The following CETP variants were observed in gnomAD, a reference collection of about 807,000 sequenced individuals.
CETP encodes cholesteryl ester transfer protein.
Under a neutral mutation model 66.5 loss-of-function variants are expected in CETP, and 56 were observed. The observed-to-expected ratio is 0.84, with a 90% CI of 0.68 to 1.05. The LOEUF (loss-of-function observed/expected upper bound fraction) is 1.05, where lower values mean the gene tolerates loss of function less well. Among genes scored for constraint, CETP ranks in the 50% least tolerant of loss-of-function variants. The probability of loss-of-function intolerance (pLI) is 0.00; values close to 1 mark genes in which losing one functional copy is unlikely to be tolerated. For synonymous variants in CETP, 251 were observed against 245.7 expected (o/e 1.02, Z -0.20); for missense variants, 612 against 609.6 (o/e 1.00, Z -0.04).
chr16:56,962,023 C>A lies in CETP; in HGVS notation c.44C>A (p.Ala15Asp), dbSNP rs34065661. 2.2e-5 allele frequency: 36 copies of A among 1,613,970 alleles called. No homozygotes were observed. Among genetic ancestry groups the A allele is most frequent in the Non-Finnish European group, 2.8e-5 (33 of 1,180,028 alleles). Reference sequence around the variant, plus strand: ...CTGACCCTGGCCCTGCTGGGCAATGCCCATGCCTGCTCCAAAGGCACCTCG... The same window carrying A: ...CTGACCCTGGCCCTGCTGGGCAATGACCATGCCTGCTCCAAAGGCACCTCG... ...TVLTLALLGNAHACSKGTSHE... is the reference protein window; with the variant it reads ...TVLTLALLGNDHACSKGTSHE... Residue 15 changes from alanine to aspartate, a missense_variant, in exon 1 of 16, where the codon GCC (alanine) becomes GAC (aspartate). Ala to Asp is a moderately radical substitution (Grantham distance 126). Coordinates refer to ENST00000200676, the MANE Select transcript of CETP (RefSeq NM_000078.3).
chr16:56,968,157 G>C (rs2056081574), intron 2 of CETP, among the ~76,000 whole-genome samples: 2 of 151,838 alleles, frequency 1.3e-5, no homozygotes, highest in African/African-American at 4.8e-5. Flanking sequence ...GGGTACATGA[G>C]ATGTTTTGAT....
chr16:56,978,191 T>A lies in CETP; in HGVS notation c.1082T>A (p.Val361Glu), dbSNP rs200134880. 6.2e-7 allele frequency: 1 copy of A among 1,614,248 alleles called. No homozygotes were observed. Among genetic ancestry groups the A allele is most frequent in the African/African-American group, 1.3e-5 (1 of 75,058 alleles). ...QNKGVVVNSS[V>E]MVKFLFPRPD... ...AAGGGAGTCGTGGTCAATTCTTCAG[T>A]GATGGTGAAATTCCTCTTTCCACGC... is the stretch of plus-strand genomic sequence containing the variant. The change falls in exon 11 of 16, where the codon GTG (valine) becomes GAG (glutamate). Residue 361 changes from valine (V) to glutamate (E), a missense_variant. Coordinates refer to ENST00000200676, the MANE Select transcript of CETP (RefSeq NM_000078.3).
chr16:56,969,743 G>A lies in CETP; in HGVS notation c.439+62G>A, dbSNP rs1209140268. The A allele has an allele frequency of 4.4e-6, 7 of 1,596,466 alleles. No homozygotes were observed. In the Admixed American group the frequency reaches 8.4e-5, roughly 19 times the overall value. ...GACTCCAGGGCTTGGCCTCAGCAGA[G>A]GGGGAGGTTGTGCAGGCAGAGGGTT... On this transcript the variant is annotated intron_variant, in intron 4 of 15. Transcript: ENST00000200676.
intron 10 of CETP, among the ~76,000 whole-genome samples, chr16:56,977,029 C>T (rs2056154520): frequency 6.6e-6 from 1 of 152,134 alleles, no homozygotes; most frequent in South Asian, 2.1e-4. Flanking sequence ...GTGCCTCAGC[C>T]TCCCGATTGG....
chr16:56,978,395 C>A (rs1458981004), intron 11 of CETP, 140 bp downstream of exon 11: 5 of 978,568 alleles, frequency 5.1e-6, no homozygotes, highest in Non-Finnish European at 8.0e-6. Context: ...TTGCACATGG[C>A]TCCTTACAAT....
chr16:56,969,946 C>T lies in CETP; in HGVS notation c.472C>T (p.Pro158Ser), dbSNP rs767437395. The T allele has an allele frequency of 1.4e-5, 22 of 1,614,042 alleles. No individual in the cohort carries two copies. In the South Asian group the frequency reaches 2.4e-4, roughly 18 times the overall value. ...CDSGRVRTDAPDCYLSFHKLL... is the reference protein window; with the variant it reads ...CDSGRVRTDASDCYLSFHKLL... ...CTCTGGTAGAGTGCGGACCGATGCC[C>T]CTGACTGCTACCTGTCTTTCCATAA... The change falls in exon 5 of 16, where the codon CCT (proline) becomes TCT (serine). Residue 158 changes from proline (P) to serine (S), a missense_variant. Coordinates refer to ENST00000200676, the MANE Select transcript of CETP (RefSeq NM_000078.3).
chr16:56,963,822 C>T (rs2056044020), intron 2 of CETP, among the ~76,000 whole-genome samples: 1 of 151,736 alleles, frequency 6.6e-6, no homozygotes, highest in African/African-American at 2.4e-5. Context: ...GCACACGTCA[C>T]CACATCCGCG....
At chr16:56,968,631 A>T (rs1209068805) in intron 2 of CETP, among the ~76,000 whole-genome samples, 1 of 152,028 alleles carries the variant, frequency 6.6e-6, no homozygotes, top group African/African-American at 2.4e-5. Context: ...GTTGACATAC[A>T]ATTGTTCGTA....
At chr16:56,975,503 A>G (rs2056143462) in intron 10 of CETP, among the ~76,000 whole-genome samples, 1 of 152,180 alleles carries the variant, frequency 6.6e-6, no homozygotes, top group Non-Finnish European at 1.5e-5. Flanking sequence ...GAACCCCAGG[A>G]TCAACTCTGG....
intron 4 of CETP, 29 bp from the exon 5 acceptor site, chr16:56,969,885 C>T (rs1481743458): frequency 4.3e-6 from 7 of 1,610,108 alleles, no homozygotes; most frequent in Non-Finnish European, 5.9e-6. Context: ...GCGGAGGCTG[C>T]CCTGAGGTCA....
chr16:56,972,800 C>T (rs562277745), intron 8 of CETP, among the ~76,000 whole-genome samples: 27 of 152,304 alleles, frequency 1.8e-4, no homozygotes, highest in Admixed American at 4.6e-4. Flanking sequence ...GACTTTAGGG[C>T]GGACCCAGCC....
chr16:56,962,068 G>A lies in CETP; in HGVS notation c.89G>A (p.Cys30Tyr), dbSNP rs771585518. 4.0e-5 allele frequency: 64 copies of A among 1,613,972 alleles called. 1 individual carries two copies. In the Admixed American group the frequency reaches 1.1e-3, roughly 27 times the overall value. Residue 30 changes from cysteine (C) to tyrosine (Y), a missense_variant, in exon 1 of 16, where the codon TGC (cysteine) becomes TAC (tyrosine). By Grantham distance (194) the Cys-to-Tyr change is radical. Transcript: ENST00000200676. ...ACCTCGCACGAGGCAGGCATCGTGT[G>A]CCGCATCACCAAGCCTGCCCTCCTG... ...KGTSHEAGIV[C>Y]RITKPALLVL...
At chr16:56,972,384 G>C (rs749734736) in intron 8 of CETP, among the ~76,000 whole-genome samples, 6 of 78,298 alleles carry the variant, frequency 7.7e-5, no homozygotes, top group Non-Finnish European at 1.7e-4. Context: ...GCAGTGGATT[G>C]TGGCCCCCCC....
At chr16:56,965,974 C>G (rs1353612758) in intron 2 of CETP, among the ~76,000 whole-genome samples, 2 of 152,162 alleles carry the variant, frequency 1.3e-5, no homozygotes, top group African/African-American at 2.4e-5. Flanking sequence ...CTGAGGCCTC[C>G]TCCAAGCTGA....
rs750467548 is a variant in CETP at position 56,982,154 on chromosome 16, T to C, written c.1249-11T>C. 1 of 1,613,996 alleles carries C rather than the reference T, an allele frequency of 6.2e-7. No homozygotes were observed. The highest frequency in any genetic ancestry group is 1.1e-5 in the South Asian group (1 of 91,066). ...TCCAGGGAGGACTCACCATGGGCAT[T>C]TGATTGGCAGAGCAGCTCCGAGTCC... On this transcript the variant is annotated splice_polypyrimidine_tract_variant and intron_variant, in intron 13 of 15. Coordinates refer to ENST00000200676, the MANE Select transcript of CETP (RefSeq NM_000078.3).
intron 9 of CETP, 65 bp downstream of exon 9, chr16:56,973,575 C>A: frequency 1.9e-6 from 3 of 1,569,216 alleles, no homozygotes; most frequent in Non-Finnish European, 2.6e-6. Flanking sequence ...TGTGTGCACA[C>A]GCATGGGGAG....
intron 2 of CETP, among the ~76,000 whole-genome samples, chr16:56,967,022 C>G (rs1168963394): frequency 4.6e-5 from 7 of 152,016 alleles, no homozygotes; most frequent in Non-Finnish European, 1.0e-4. Flanking sequence ...TAGGAGCTTA[C>G]GCAGCTATTA....
intron 11 of CETP, among the ~76,000 whole-genome samples, chr16:56,980,695 G>A (rs1178636488): frequency 3.8e-4 from 58 of 152,260 alleles, no homozygotes; most frequent in African/African-American, 1.3e-3. Flanking sequence ...AGGCTGAGGT[G>A]GGTGGATCAC....
rs1221637651 is a variant in CETP at position 56,963,024 on chromosome 16, G to A, written c.133G>A (p.Ala45Thr). The change falls in exon 2 of 16, where the codon GCC (alanine) becomes ACC (threonine). Residue 45 changes from alanine to threonine, a missense_variant. Ala to Thr is a moderately conservative substitution (Grantham distance 58). Coordinates refer to ENST00000200676, the MANE Select transcript of CETP (RefSeq NM_000078.3). ...PALLVLNHET[A>T]KVIQTAFQRA... Reference sequence around the variant, plus strand: ...CTCCCCTCTAGTGAACCACGAGACTGCCAAGGTGATCCAGACCGCCTTCCA... The same window carrying A: ...CTCCCCTCTAGTGAACCACGAGACTACCAAGGTGATCCAGACCGCCTTCCA... 6 of 1,614,028 alleles carry A rather than the reference G, an allele frequency of 3.7e-6. No homozygotes were observed. Among genetic ancestry groups the A allele is most frequent in the Admixed American group, 3.3e-5 (2 of 60,006 alleles).
Sources: gnomAD v4.1 joint callset for allele counts (sites outside exome capture counted in the v4.1 genomes callset) on GRCh38, gnomAD v4.1.1 for gene constraint, MANE v1.5 for transcripts, NCBI Gene and HGNC (gene_info 2026-07-23, HGNC 2026-07-21) for gene names.